Variants in MTMR12 observed in about 807,000 individuals in gnomAD.
MTMR12 encodes the protein myotubularin-related protein 12.
A neutral mutation model predicts 96.7 loss-of-function variants in MTMR12; 33 were observed. The observed-to-expected ratio is 0.34, with a 90% CI of 0.26 to 0.46. MTMR12 has a LOEUF of 0.46. MTMR12 is among the 20% of genes least tolerant of loss of function. The probability of loss-of-function intolerance (pLI) is 1.00; values close to 1 mark genes in which losing one functional copy is unlikely to be tolerated. For synonymous variants in MTMR12, 298 were observed against 327.2 expected, an observed-to-expected ratio of 0.91 and a Z score of 0.96; for missense variants, 721 against 896.1, an observed-to-expected ratio of 0.80 and a Z score of 2.49.
At chr5:32,255,557 T>C in intron 8 of MTMR12, 136 bp downstream of exon 8, 1 of 754,726 alleles carries the variant, frequency 1.3e-6, no homozygotes, top group South Asian at 2.1e-5. Flanking sequence ...TTCTAGGGAG[T>C]CCCTAAGATA....
chr5:32,242,058 T>C lies in MTMR12; in HGVS notation c.1170A>G (p.Leu390=). Reference sequence around the variant, plus strand: ...TCCTTTGTGCTTCCTATATATTACCTAAAAGAAGAACATTCATGTTTTGTG... The same window carrying C: ...TCCTTTGTGCTTCCTATATATTACCCAAAAGAAGAACATTCATGTTTTGTG... ...MEAQNMNVLL[L]EENASDLCCL... is the part of the protein sequence containing the mutation. The change falls in exon 12 of 16, where the codon TTA becomes TTG. Residue 390 remains leucine (L), a splice_region_variant and synonymous_variant. Transcript: ENST00000382142. 1 of 1,610,422 alleles carries C rather than the reference T, an allele frequency of 6.2e-7. No homozygotes were observed. The highest frequency in any genetic ancestry group is 8.5e-7 in the Non-Finnish European group (1 of 1,177,170).
At chr5:32,307,061 A>ATGC (rs1013040150) in intron 1 of MTMR12, among the ~76,000 whole-genome samples, 2 of 152,218 alleles carry the variant, frequency 1.3e-5, no homozygotes, top group Non-Finnish European at 2.9e-5. Flanking sequence ...TTGGTGAAAA[A>ATGC]GGCAGATTAC....
rs1047194971 is a variant in MTMR12, at chr5:32,233,256, G to A, written c.1674+517C>T. ...AGGAATAAAGAATGGCTACTCCAAG[G>A]GCAGAGCAGACTAAGGCTTCTTTTG... On this transcript the variant is annotated intron_variant, in intron 15 of 15. Transcript: ENST00000382142. The surrounding 1 kb of genome is among the most constrained non-coding windows in gnomAD (Gnocchi z 5.0). Among the ~76,000 whole-genome samples, 2 of 151,860 alleles carry A rather than the reference G, an allele frequency of 1.3e-5. No homozygotes were observed. Among genetic ancestry groups the A allele is most frequent in the Non-Finnish European group, 2.9e-5 (2 of 67,970 alleles).
chr5:32,269,097 G>A (rs1244169226), intron 5 of MTMR12, among the ~76,000 whole-genome samples: 1 of 151,794 alleles, frequency 6.6e-6, no homozygotes, highest in Non-Finnish European at 1.5e-5. Context: ...CATGATCTTG[G>A]CTCACTGCAA....
Position 32,229,638 on chromosome 5 carries a change from C to A in MTMR12, c.*140G>T. On this transcript the variant is annotated 3_prime_UTR_variant, in exon 16 of 16. Transcript: ENST00000382142. ...TCATGAAAAATAATGAGAGCCACCT[C>A]TTTTCCCGAAGGCCCAGGTTTATTC... The A allele has an allele frequency of 1.4e-6, 1 of 698,436 alleles. No individual in the cohort carries two copies. Among genetic ancestry groups the A allele is most frequent in the East Asian group, 3.1e-5 (1 of 32,262 alleles). 43.3% of individuals were successfully genotyped at this position (698,436 alleles called of 1,614,324 possible). A position where few individuals can be genotyped will look rare whatever the true frequency, so the allele number is the denominator to read the frequency against.
intron 1 of MTMR12, among the ~76,000 whole-genome samples, chr5:32,299,502 C>T (rs971069813): frequency 2.0e-5 from 3 of 152,202 alleles, no homozygotes; most frequent in African/African-American, 2.4e-5. Context: ...AGACACATGG[C>T]ATTGCCATCT....
At chr5:32,282,348 G>C (rs1750331700) in intron 1 of MTMR12, among the ~76,000 whole-genome samples, 1 of 151,980 alleles carries the variant, frequency 6.6e-6, no homozygotes, top group Non-Finnish European at 1.5e-5. Context: ...GTGAGCCCGG[G>C]AGGCGGGGCT....
chr5:32,301,004 G>C (rs1355778617), intron 1 of MTMR12, among the ~76,000 whole-genome samples: 1 of 152,146 alleles, frequency 6.6e-6, no homozygotes, highest in Non-Finnish European at 1.5e-5. Context: ...GAGCCTGGGA[G>C]GTGGAGGATG....
At position 32,263,255 on chromosome 5, in the gene MTMR12, A is replaced by C; in HGVS notation, c.584-13T>G. The C allele has an allele frequency of 6.2e-7, 1 of 1,613,612 alleles. No individual in the cohort carries two copies. Among genetic ancestry groups the C allele is most frequent in the South Asian group, 1.1e-5 (1 of 91,020 alleles). ...TTGGGATCAGTGACTAAGAGAACAA[A>C]ATGTAAAAGACAATAAAATCTTTCC... On this transcript the variant is annotated splice_polypyrimidine_tract_variant and intron_variant, in intron 6 of 15. Transcript: ENST00000382142.
chr5:32,245,082 G>A (rs565554837), intron 10 of MTMR12, among the ~76,000 whole-genome samples: 20 of 152,104 alleles, frequency 1.3e-4, no homozygotes, highest in South Asian at 6.2e-4. Context: ...AGGCTGGAGC[G>A]CAATGTGCAA....
intron 1 of MTMR12, among the ~76,000 whole-genome samples, chr5:32,306,527 T>C (rs186660826): frequency 6.6e-6 from 1 of 152,230 alleles, no homozygotes; most frequent in East Asian, 1.9e-4. Context: ...TCCTGAGGGA[T>C]AAATGAAAAA....
At chr5:32,286,976 C>T (rs1750564211) in intron 1 of MTMR12, among the ~76,000 whole-genome samples, 1 of 152,138 alleles carries the variant, frequency 6.6e-6, no homozygotes, top group African/African-American at 2.4e-5. Context: ...TCAGAGAACA[C>T]AGGAGTCTGA....
Position 32,266,802 on chromosome 5 carries a change from G to A in MTMR12, c.583+1899C>T, listed in dbSNP as rs1385664085. On this transcript the variant is annotated intron_variant, in intron 6 of 15. Coordinates refer to ENST00000382142, the MANE Select transcript of MTMR12 (RefSeq NM_001040446.3). ...CATGTTAAGAGTAATGGATGGAGCC[G>A]GGCGAGCTGGCTCATACCTGTAATC... Among the ~76,000 whole-genome samples, 7 of 151,990 alleles carry A rather than the reference G, an allele frequency of 4.6e-5. No homozygotes were observed. The East Asian group carries it at 7.8e-4, about 17-fold the overall frequency.
rs1237295198 is a variant in MTMR12, at chr5:32,252,313, C to G, written c.789+3380G>C. ...AAACTGTGGTAATGTTTGCACAACA[C>G]TGAGAATATACTAAATGTCACTATG... On this transcript the variant is annotated intron_variant, in intron 8 of 15. Transcript: ENST00000382142. Among the ~76,000 whole-genome samples the G allele has an allele frequency of 2.0e-5, 3 of 152,172 alleles. No homozygotes were observed. The East Asian group carries it at 5.8e-4, about 29-fold the overall frequency.
Position 32,248,071 on chromosome 5 carries a change from A to T in MTMR12, c.952T>A (p.Ser318Thr), listed in dbSNP as rs1389700995. Residue 318 changes from serine to threonine, a missense_variant, in exon 10 of 16, where the codon TCA becomes ACA. By Grantham distance (58) the Ser-to-Thr change is moderately conservative. Transcript: ENST00000382142. Reference sequence around the variant, plus strand: ...TCCTGCAGGGACAGGAAGTTGCTTGACAGGTCTTCCGTTTTAACAATTTCA... The same window carrying T: ...TCCTGCAGGGACAGGAAGTTGCTTGTCAGGTCTTCCGTTTTAACAATTTCA... Reference protein sequence around the residue: ...PYEIVKTEDLSSNFLSLQEIQ... With the variant: ...PYEIVKTEDLTSNFLSLQEIQ... The T allele has an allele frequency of 6.2e-6, 10 of 1,613,960 alleles. No individual in the cohort carries two copies. Among genetic ancestry groups the T allele is most frequent in the Non-Finnish European group, 8.5e-6 (10 of 1,179,952 alleles).
chr5:32,248,939 A>G, intron 8 of MTMR12, 61 bp from the exon 9 acceptor site: 1 of 1,312,462 alleles, frequency 7.6e-7, no homozygotes, highest in African/African-American at 1.5e-5. Context: ...GGGACACATA[A>G]GCTTAGCATT....
At chr5:32,263,523 C>T (rs1433097164) in intron 6 of MTMR12, among the ~76,000 whole-genome samples, 2 of 151,822 alleles carry the variant, frequency 1.3e-5, no homozygotes, top group African/African-American at 4.8e-5. Context: ...CTGCAACCTC[C>T]GCCTGCCAGG....
chr5:32,306,351 G>A (rs974159813), intron 1 of MTMR12, among the ~76,000 whole-genome samples: 3 of 152,080 alleles, frequency 2.0e-5, no homozygotes, highest in Admixed American at 1.3e-4. Context: ...TGAGATATGC[G>A]TAGTTCCTGG....
intron 8 of MTMR12, among the ~76,000 whole-genome samples, chr5:32,251,445 GA>G (rs1192263577): frequency 1.3e-5 from 2 of 152,140 alleles, no homozygotes; most frequent in Admixed American, 1.3e-4. Context: ...GCCAGGACAG[GA>G]ACTTAAAAGA....
Sources: gnomAD v4.1 joint callset for allele counts (sites outside exome capture counted in the v4.1 genomes callset) on GRCh38, gnomAD v4.1.1 for gene constraint, Gnocchi (gnomAD v3.1) non-coding constraint, MANE v1.5 for transcripts, NCBI Gene and HGNC (gene_info 2026-07-23, HGNC 2026-07-21) for gene names.